The following GAREM1 variants were observed in gnomAD, a reference collection of about 807,000 sequenced individuals.
GAREM1 encodes GRB2-associated and regulator of MAPK protein 1.
Under a neutral mutation model 71.3 loss-of-function variants are expected in GAREM1, and 26 were observed. The ratio of observed to expected loss-of-function variants is 0.36; its 90% CI spans 0.27 to 0.51. GAREM1 has a LOEUF of 0.51. Ranked by LOEUF, GAREM1 falls within the 20% of genes least tolerant of loss-of-function variation. The probability of loss-of-function intolerance (pLI) is 0.95; values close to 1 mark genes in which losing one functional copy is unlikely to be tolerated. For synonymous variants in GAREM1, 440 were observed against 433.2 expected (o/e 1.02, Z -0.20); for missense variants, 1,026 against 1,103.1 (o/e 0.93, Z 0.99).
At chr18:32,395,547 C>G (rs1443734235) in intron 1 of GAREM1, among the ~76,000 whole-genome samples, 1 of 152,134 alleles carries the variant, frequency 6.6e-6, no homozygotes, top group Admixed American at 6.5e-5. Flanking sequence ...CATTCATTAT[C>G]CAACAAACAT....
chr18:32,456,594 C>T (rs2048891380), intron 1 of GAREM1, among the ~76,000 whole-genome samples: 1 of 152,038 alleles, frequency 6.6e-6, no homozygotes, highest in Non-Finnish European at 1.5e-5. Context: ...TCACTTTTCC[C>T]CTACATTTTT....
intron 1 of GAREM1, among the ~76,000 whole-genome samples, chr18:32,467,004 A>G (rs2049005898): frequency 6.6e-6 from 1 of 152,166 alleles, no homozygotes; most frequent in African/African-American, 2.4e-5. Flanking sequence ...ACATCTATCT[A>G]CCTGGCACTT....
chr18:32,345,726 T>C (rs143680302), intron 2 of GAREM1, among the ~76,000 whole-genome samples: 51 of 152,300 alleles, frequency 3.3e-4, no homozygotes, highest in East Asian at 1.4e-3. Flanking sequence ...GAAAGCGACA[T>C]TGGGGCAACT....
intron 1 of GAREM1, among the ~76,000 whole-genome samples, chr18:32,413,618 C>A (rs1174497624): frequency 6.6e-6 from 1 of 151,900 alleles, no homozygotes; most frequent in Non-Finnish European, 1.5e-5. Context: ...CACTAAAAAA[C>A]CAGATCATTA....
intron 2 of GAREM1, among the ~76,000 whole-genome samples, chr18:32,344,741 C>A (rs1437699616): frequency 6.6e-6 from 1 of 152,094 alleles, no homozygotes; most frequent in Non-Finnish European, 1.5e-5. Context: ...AGTGTCAGGT[C>A]AGAAAGCTGA....
chr18:32,386,376 T>C (rs1292950093), intron 2 of GAREM1, among the ~76,000 whole-genome samples: 1 of 152,214 alleles, frequency 6.6e-6, no homozygotes, highest in African/African-American at 2.4e-5. Context: ...GCACTGCTGA[T>C]ATAAATCCAG....
intron 2 of GAREM1, among the ~76,000 whole-genome samples, chr18:32,343,312 T>TTTTTTTTTTG (rs2144578994): frequency 1.3e-5 from 1 of 79,856 alleles, no homozygotes; most frequent in East Asian, 2.4e-4. Context: ...TCCCCCACTG[T>TTTTTTTTTTG]TTTTTTTTTT....
rs549544984 is a variant in GAREM1, at chr18:32,309,354, A to G, written c.393+839T>C. 6.1e-4 allele frequency among the ~76,000 whole-genome samples: 91 copies of G among 149,330 alleles called. 3 individuals carry two copies. The highest frequency in any genetic ancestry group is 1.5e-3 in the Admixed American group (22 of 14,984). ...AACAAGGCCAGACACGGTGGCTCAC[A>G]CCTGTAATCCCAGCACTTTGGGAGG... On this transcript the variant is annotated intron_variant, in intron 3 of 5. Coordinates refer to ENST00000269209, the MANE Select transcript of GAREM1 (RefSeq NM_001242409.2).
chr18:32,334,315 A>G (rs71361377), intron 2 of GAREM1, among the ~76,000 whole-genome samples: 1 of 152,302 alleles, frequency 6.6e-6, no homozygotes, highest in Non-Finnish European at 1.5e-5. Flanking sequence ...CAACAGCTTT[A>G]AAACACACGA....
chr18:32,418,008 G>A (rs1038192218), intron 1 of GAREM1, among the ~76,000 whole-genome samples: 5 of 151,736 alleles, frequency 3.3e-5, no homozygotes, highest in South Asian at 2.1e-4. Context: ...TACTATGTAC[G>A]CACAAAATTA....
chr18:32,454,493 G>A (rs2048869497), intron 1 of GAREM1, among the ~76,000 whole-genome samples: 1 of 152,160 alleles, frequency 6.6e-6, no homozygotes. Context: ...AAGTAGTATA[G>A]CCAAATCTCA....
At chr18:32,399,457 A>G (rs1017751939) in intron 1 of GAREM1, among the ~76,000 whole-genome samples, 1 of 152,248 alleles carries the variant, frequency 6.6e-6, no homozygotes, top group African/African-American at 2.4e-5. Flanking sequence ...TTAAGCTGAT[A>G]GGCAACTTCA....
At chr18:32,371,025 G>A (rs1264458494) in intron 2 of GAREM1, among the ~76,000 whole-genome samples, 1 of 152,088 alleles carries the variant, frequency 6.6e-6, no homozygotes, top group East Asian at 1.9e-4. Context: ...TGACAAATGT[G>A]GACATTTAGT....
intron 4 of GAREM1, among the ~76,000 whole-genome samples, chr18:32,286,321 AGTGTGTGTGTGTGTGTGTGTGTGTGT>A (rs140225815): frequency 7.0e-6 from 1 of 143,234 alleles, no homozygotes; most frequent in African/African-American, 2.5e-5. Flanking sequence ...CTGGTTCTGG[AGTGTGTGTGTGTGTGTGTGTGTGTGT>A]GTGTGTGTGT....
At chr18:32,355,275 A>C (rs1451201636) in intron 2 of GAREM1, among the ~76,000 whole-genome samples, 3 of 152,184 alleles carry the variant, frequency 2.0e-5, no homozygotes, top group Non-Finnish European at 4.4e-5. Flanking sequence ...ATTCCTATTT[A>C]AAAAACAACT....
At chr18:32,452,436 T>C (rs1017178227) in intron 1 of GAREM1, among the ~76,000 whole-genome samples, 5 of 152,190 alleles carry the variant, frequency 3.3e-5, no homozygotes, top group African/African-American at 9.6e-5. Context: ...CAAACCTTTG[T>C]CAGGCCACCA....
intron 2 of GAREM1, among the ~76,000 whole-genome samples, chr18:32,358,321 T>C (rs962099849): frequency 6.6e-6 from 1 of 151,924 alleles, no homozygotes; most frequent in South Asian, 2.1e-4. Context: ...GCAGGGGACA[T>C]AGCTCATTAC....
At chr18:32,345,024 G>T (rs4459625) in intron 2 of GAREM1, among the ~76,000 whole-genome samples, 152,103 of 152,336 alleles carry the variant, frequency 1, 75,935 homozygotes, top group Middle Eastern at 1. Flanking sequence ...ATTGTGCCAC[G>T]GCACTCCAGC....
chr18:32,403,417 G>A (rs1300033927), intron 1 of GAREM1, among the ~76,000 whole-genome samples: 1 of 151,948 alleles, frequency 6.6e-6, no homozygotes, highest in Non-Finnish European at 1.5e-5. Flanking sequence ...AAACCCAAAG[G>A]GACTGTTCTC....
Sources: gnomAD v4.1 joint callset for allele counts (sites outside exome capture counted in the v4.1 genomes callset) on GRCh38, gnomAD v4.1.1 for gene constraint, MANE v1.5 for transcripts, NCBI Gene and HGNC (gene_info 2026-07-23, HGNC 2026-07-21) for gene names.